The following BICD1 variants were observed in gnomAD, a reference collection of about 807,000 sequenced individuals.
The protein encoded by BICD1 is BICD cargo adaptor 1, also known as protein bicaudal D homolog 1.
BICD1 carries 35 observed loss-of-function variants against 92.5 expected under a neutral mutation model. The observed-to-expected ratio is 0.38, with a 90% confidence interval of 0.29 to 0.50. BICD1 has a LOEUF of 0.50. Ranked by LOEUF, BICD1 falls within the 20% of genes least tolerant of loss-of-function variation. The pLI is 0.93. For missense variants in BICD1, 950 were observed against 1,189.8 expected, an observed-to-expected ratio of 0.80 and a Z score of 2.97; for synonymous variants, 429 against 465.1, an observed-to-expected ratio of 0.92 and a Z score of 1.00.
chr12:32,269,672 C>A (rs1157958995), intron 2 of BICD1, among the ~76,000 whole-genome samples: 1 of 152,182 alleles, frequency 6.6e-6, no homozygotes, highest in African/African-American at 2.4e-5. Flanking sequence ...CTTTCTGATG[C>A]CATTATAAAC....
At chr12:32,250,407 A>C (rs146567858) in intron 2 of BICD1, among the ~76,000 whole-genome samples, 3 of 152,310 alleles carry the variant, frequency 2.0e-5, no homozygotes, top group African/African-American at 7.2e-5. Flanking sequence ...TAAACATTGT[A>C]TATTTTTATT....
At chr12:32,289,671 C>T (rs1394400506) in intron 2 of BICD1, among the ~76,000 whole-genome samples, 2 of 152,256 alleles carry the variant, frequency 1.3e-5, no homozygotes, top group African/African-American at 4.8e-5. Flanking sequence ...GCGTAAGCCA[C>T]CGCACCCAGC....
intron 2 of BICD1, among the ~76,000 whole-genome samples, chr12:32,256,375 C>T (rs1041521767): frequency 1.3e-5 from 2 of 152,212 alleles, no homozygotes. Context: ...TCTAATTTAA[C>T]CCTCACAGCC....
chr12:32,282,090 CAGTT>C (rs1947424952), intron 2 of BICD1, among the ~76,000 whole-genome samples: 1 of 151,250 alleles, frequency 6.6e-6, no homozygotes, highest in Non-Finnish European at 1.5e-5. Context: ...TTGGAGATGA[CAGTT>C]AGGTTGAGGA....
In BICD1 at chr12:32,328,288, A is replaced by G; in HGVS notation, c.1833A>G (p.Pro611=). ...SPVITAPPSS[P]VLDTSDIRKE... ...TTATTACTGCCCCACCGTCATCTCC[A>G]GTATTGGATACAAGTGACATCCGCA... The change falls in exon 5 of 10, where the codon CCA becomes CCG. Residue 611 remains proline, a synonymous_variant. Transcript: ENST00000652176. This position sits in a 1 kb window ranked among gnomAD's most constrained non-coding sequence, Gnocchi z 4.4. 1 of 1,614,234 alleles carries G rather than the reference A, an allele frequency of 6.2e-7. No individual in the cohort carries two copies. Among genetic ancestry groups the G allele is most frequent in the Non-Finnish European group, 8.5e-7 (1 of 1,180,038 alleles).
chr12:32,141,254 A>G (rs1482859575), intron 1 of BICD1, among the ~76,000 whole-genome samples: 1 of 152,208 alleles, frequency 6.6e-6, no homozygotes, highest in Admixed American at 6.5e-5. Context: ...ATATCAACTT[A>G]AAGTTAAGAA....
intron 2 of BICD1, among the ~76,000 whole-genome samples, chr12:32,222,063 A>G (rs1441074465): frequency 6.6e-6 from 1 of 152,256 alleles, no homozygotes; most frequent in Non-Finnish European, 1.5e-5. Context: ...AAATAGGATA[A>G]TGAAACTTAA....
At chr12:32,190,841 G>A (rs557148029) in intron 1 of BICD1, among the ~76,000 whole-genome samples, 1 of 152,300 alleles carries the variant, frequency 6.6e-6, no homozygotes, top group South Asian at 2.1e-4. Flanking sequence ...TAGATTATAT[G>A]TTGGGCCACA....
chr12:32,264,173 GAATT>G (rs1157899575), intron 2 of BICD1, among the ~76,000 whole-genome samples: 2 of 152,132 alleles, frequency 1.3e-5, no homozygotes, highest in African/African-American at 4.8e-5. Flanking sequence ...AGGAGTAAAT[GAATT>G]ATTATGTACT....
At chr12:32,338,644 A>G in intron 7 of BICD1, 142 bp from the exon 8 acceptor site, 1 of 723,778 alleles carries the variant, frequency 1.4e-6, no homozygotes, top group South Asian at 2.3e-5. Context: ...AAACTAAAAA[A>G]AAAAAAAGCA....
chr12:32,214,179 A>C (rs1237866200), intron 1 of BICD1, among the ~76,000 whole-genome samples: 1 of 152,152 alleles, frequency 6.6e-6, no homozygotes, highest in African/African-American at 2.4e-5. Flanking sequence ...TTTTAAATGC[A>C]TGTTGTAACT....
chr12:32,283,940 G>A (rs1037065313), intron 2 of BICD1, among the ~76,000 whole-genome samples: 8 of 152,320 alleles, frequency 5.3e-5, no homozygotes, highest in South Asian at 2.1e-4. Flanking sequence ...GGAGAATAGC[G>A]GCCGTGCAGC....
intron 1 of BICD1, among the ~76,000 whole-genome samples, chr12:32,163,034 G>GT (rs1943645206): frequency 6.8e-6 from 1 of 147,784 alleles, no homozygotes; most frequent in South Asian, 2.2e-4. Context: ...TTAAATTATG[G>GT]TTTTAACATA....
At chr12:32,117,529 A>T (rs1027489810) in intron 1 of BICD1, among the ~76,000 whole-genome samples, 2 of 151,988 alleles carry the variant, frequency 1.3e-5, no homozygotes, top group Non-Finnish European at 2.9e-5. Context: ...AGATGAGTGT[A>T]TCTCTAAATT....
intron 2 of BICD1, among the ~76,000 whole-genome samples, chr12:32,242,160 G>A (rs1388833334): frequency 7.8e-6 from 1 of 127,880 alleles, no homozygotes; most frequent in Non-Finnish European, 1.6e-5. Flanking sequence ...AGGCTGCAAT[G>A]AGCCATGATT....
At chr12:32,208,314 A>G (rs1407494520) in intron 1 of BICD1, among the ~76,000 whole-genome samples, 3 of 152,248 alleles carry the variant, frequency 2.0e-5, no homozygotes, top group African/African-American at 7.2e-5. Flanking sequence ...AGTACTTACT[A>G]TATTTATACC....
In BICD1 at chr12:32,337,296, A is replaced by T. The variant is rs867666284; in HGVS notation, c.2253-203A>T. ...ACAACAAAATAATAATAAATTTTTT[A>T]AAAATGTCCCATATATCTCATTGTA... is the stretch of plus-strand genomic sequence containing the variant. On this transcript the variant is annotated intron_variant, in intron 6 of 9. Coordinates refer to ENST00000652176, the MANE Select transcript of BICD1 (RefSeq NM_001714.4). This position sits in a 1 kb window ranked among gnomAD's most constrained non-coding sequence, Gnocchi z 4.7. Among the ~76,000 whole-genome samples, 13 of 152,320 alleles carry T rather than the reference A, an allele frequency of 8.5e-5. No homozygotes were observed. The highest frequency in any genetic ancestry group is 6.2e-4 in the South Asian group (3 of 4,830).
rs146194809 is a variant in BICD1 at position 32,378,744 on chromosome 12, C to T, written c.*1117C>T. ...TTGTTGTTGTTAGTTTTTTTCATAA[C>T]GAATCTTCCTTGCCAAAAAAACAAT... On this transcript the variant is annotated 3_prime_UTR_variant, in exon 10 of 10. Coordinates refer to ENST00000652176, the MANE Select transcript of BICD1 (RefSeq NM_001714.4). 15 of 152,014 alleles carry T rather than the reference C, an allele frequency of 9.9e-5. No individual in the cohort carries two copies. The highest frequency in any genetic ancestry group is 2.7e-4 in the African/African-American group (11 of 41,458). 9.4% of individuals were successfully genotyped at this position (152,014 alleles called of 1,614,324 possible). A position where few individuals can be genotyped will look rare whatever the true frequency, so the allele number is the denominator to read the frequency against.
chr12:32,180,522 G>T (rs1003944515), intron 1 of BICD1, among the ~76,000 whole-genome samples: 34 of 151,920 alleles, frequency 2.2e-4, no homozygotes, highest in African/African-American at 8.2e-4. Flanking sequence ...TGTCTTCATT[G>T]ATTTCTTCAA....
Sources: allele counts gnomAD v4.1 joint callset (sites outside exome capture counted in the v4.1 genomes callset), GRCh38; gene constraint gnomAD v4.1.1; non-coding constraint Gnocchi (gnomAD v3.1); transcripts MANE v1.5; gene names NCBI Gene and HGNC (gene_info 2026-07-23, HGNC 2026-07-21).